HIKESHI: variants seen among roughly 807,000 people sequenced by gnomAD.
HIKESHI encodes protein Hikeshi.
In HIKESHI, 13 loss-of-function variants were observed where a neutral mutation model predicts 25.7. The observed-to-expected ratio is 0.51, with a 90% CI of 0.33 to 0.80. The LOEUF (loss-of-function observed/expected upper bound fraction) is 0.80. HIKESHI is among the 30% of genes least tolerant of loss of function. The pLI, the probability that HIKESHI is intolerant of heterozygous loss-of-function variation, is 0.02. For missense variants in HIKESHI, 174 were observed against 229.5 expected, an observed-to-expected ratio of 0.76 and a Z score of 1.56; for synonymous variants, 76 against 78.7, an observed-to-expected ratio of 0.97 and a Z score of 0.18.
chr11:86,340,366 C>G lies in HIKESHI; in HGVS notation c.420+2836C>G, dbSNP rs190303958. Among the ~76,000 whole-genome samples the G allele has an allele frequency of 2.1e-4, 32 of 152,304 alleles. 1 individual carries two copies. In the East Asian group the frequency reaches 6.2e-3, roughly 29 times the overall value. On this transcript the variant is annotated intron_variant, in intron 3 of 4. Coordinates refer to ENST00000278483, the MANE Select transcript of HIKESHI (RefSeq NM_016401.4). ...TGGTTGAACTAGTTTATACGCCAAC[C>G]AACAGTGTAAAAGCGTTCCTATTTC...
chr11:86,344,396 G>C, intron 3 of HIKESHI: 1 of 430,624 alleles, frequency 2.3e-6, no homozygotes, highest in African/African-American at 2.0e-5. Context: ...TTGAATGCCT[G>C]GCCTCAAGTG....
intron 2 of HIKESHI, among the ~76,000 whole-genome samples, chr11:86,306,700 C>A (rs1946632520): frequency 6.6e-6 from 1 of 151,970 alleles, no homozygotes; most frequent in South Asian, 2.1e-4. Flanking sequence ...GTATAACCTT[C>A]ATAAAAATAT....
intron 3 of HIKESHI, among the ~76,000 whole-genome samples, chr11:86,342,478 CGTGTGTGTGTGTGTGTGT>C (rs34980731): frequency 0.26 from 38,154 of 147,310 alleles, 5,493 homozygotes; most frequent in East Asian, 0.59. Flanking sequence ...TAAAGATGTT[CGTGTGTGTGTGTGTGTGT>C]GTGTGTGTGT....
intron 2 of HIKESHI, among the ~76,000 whole-genome samples, chr11:86,337,079 TC>T (rs1462708802): frequency 6.6e-6 from 1 of 151,868 alleles, no homozygotes; most frequent in Non-Finnish European, 1.5e-5. Flanking sequence ...CTAAAGGGAG[TC>T]TTCTCTATTA....
chr11:86,318,785 G>T (rs1490362574), intron 2 of HIKESHI, among the ~76,000 whole-genome samples: 1 of 152,038 alleles, frequency 6.6e-6, no homozygotes, highest in Non-Finnish European at 1.5e-5. Context: ...AGATGCCCAT[G>T]TACTTCTCCC....
intron 2 of HIKESHI, among the ~76,000 whole-genome samples, chr11:86,316,775 T>C (rs1313846787): frequency 2.5e-4 from 2 of 7,912 alleles, no homozygotes; most frequent in African/African-American, 1.3e-3. Flanking sequence ...AACATTCTTT[T>C]TTTTTTTTTT....
At chr11:86,337,126 G>C (rs1159663485) in intron 2 of HIKESHI, among the ~76,000 whole-genome samples, 7 of 152,146 alleles carry the variant, frequency 4.6e-5, no homozygotes, top group Non-Finnish European at 1.0e-4. Flanking sequence ...TACTGTCTGT[G>C]TCTAGTTGCA....
chr11:86,308,969 T>C (rs540109629), intron 2 of HIKESHI, among the ~76,000 whole-genome samples: 8 of 152,016 alleles, frequency 5.3e-5, no homozygotes, highest in African/African-American at 1.4e-4. Flanking sequence ...CAGTCTATCA[T>C]TGATGGACAT....
At position 86,337,780 on chromosome 11, in the gene HIKESHI, C is replaced by T. The variant is rs982929259; in HGVS notation, c.420+250C>T. The stretch of plus-strand genomic sequence containing the variant: ...TCAAGCGATTCTCCTGCCTCAGTCT[C>T]CTGAGTAGCTGGGACTACAGGCACA... On this transcript the variant is annotated intron_variant, in intron 3 of 4. Transcript: ENST00000278483. Among the ~76,000 whole-genome samples, 12 of 152,296 alleles carry T rather than the reference C, an allele frequency of 7.9e-5. No homozygotes were observed. The East Asian group carries it at 2.1e-3, about 27-fold the overall frequency.
chr11:86,304,513 T>TG (rs1491373296), intron 1 of HIKESHI, among the ~76,000 whole-genome samples: 1 of 92,456 alleles, frequency 1.1e-5, no homozygotes, highest in East Asian at 4.5e-4. Context: ...CACAACTCAC[T>TG]TTTTTTTTTT....
chr11:86,328,238 G>T (rs1256999948), intron 2 of HIKESHI, among the ~76,000 whole-genome samples: 1 of 151,902 alleles, frequency 6.6e-6, no homozygotes, highest in South Asian at 2.1e-4. Context: ...GTAAATTTAA[G>T]GAGAAAACAA....
At chr11:86,302,611 G>A (rs1946526179) in intron 1 of HIKESHI, 133 bp downstream of exon 1, 3 of 988,914 alleles carry the variant, frequency 3.0e-6, no homozygotes, top group Admixed American at 5.2e-5. Context: ...ATGTGAGGAT[G>A]GAGCGTGGGA....
intron 2 of HIKESHI, among the ~76,000 whole-genome samples, chr11:86,318,754 A>G (rs1352121155): frequency 6.6e-6 from 1 of 152,194 alleles, no homozygotes; most frequent in African/African-American, 2.4e-5. Flanking sequence ...TGACCACCTC[A>G]TGGACAATGT....
intron 2 of HIKESHI, among the ~76,000 whole-genome samples, chr11:86,307,163 TATAC>T (rs1446385714): frequency 5.0e-4 from 54 of 108,764 alleles, no homozygotes; most frequent in African/African-American, 1.7e-3. Context: ...TTATGTGTAA[TATAC>T]ATCATATATC....
At chr11:86,341,376 A>AT (rs1947725230) in intron 3 of HIKESHI, among the ~76,000 whole-genome samples, 1 of 151,176 alleles carries the variant, frequency 6.6e-6, no homozygotes, top group Non-Finnish European at 1.5e-5. Flanking sequence ...ATAGATTTCT[A>AT]TGTTTCTACT....
chr11:86,333,901 G>C (rs954220129), intron 2 of HIKESHI, among the ~76,000 whole-genome samples: 1 of 152,180 alleles, frequency 6.6e-6, no homozygotes, highest in East Asian at 1.9e-4. Flanking sequence ...AGCCGTTAAA[G>C]GTTTCAAAAC....
chr11:86,302,350 C>A lies in HIKESHI; in HGVS notation c.-99C>A. On this transcript the variant is annotated 5_prime_UTR_variant, in exon 1 of 5. Transcript: ENST00000278483. ...TAGTGGAGGGGCAGACACCCTCCCG[C>A]AAATTCTGGAAGGTTCTTAGTCTCG... is the stretch of plus-strand genomic sequence containing the variant. The A allele has an allele frequency of 6.8e-7, 1 of 1,474,098 alleles. No individual in the cohort carries two copies. The highest frequency in any genetic ancestry group is 9.2e-7 in the Non-Finnish European group (1 of 1,082,702). The allele number at this position is 1,474,098 out of a possible 1,614,324, so 91.3% of individuals were successfully genotyped here.
At position 86,318,303 on chromosome 11, in the gene HIKESHI, C is replaced by CAAAAAAAAAA. The variant is rs71040230; in HGVS notation, c.268+11832_268+11841dup. On this transcript the variant is annotated intron_variant, in intron 2 of 4. Coordinates refer to ENST00000278483, the MANE Select transcript of HIKESHI (RefSeq NM_016401.4). ...TGGGCGACAGAGCAAGACTCCGTCTCAAAAAAAAAAAAAAAAAAAATCCTG... is the reference window on the plus strand; with the variant it reads ...TGGGCGACAGAGCAAGACTCCGTCTCAAAAAAAAAAAAAAAAAAAAAAAAAAAAAATCCTG... Among the ~76,000 whole-genome samples, 224 of 35,660 alleles carry CAAAAAAAAAA rather than the reference C, an allele frequency of 6.3e-3. 35 individuals carry two copies. The East Asian group carries it at 0.11, about 17-fold the overall frequency. 23.4% of individuals were successfully genotyped at this position (35,660 alleles called of 152,430 possible).
chr11:86,329,718 T>C (rs1947373261), intron 2 of HIKESHI, among the ~76,000 whole-genome samples: 1 of 152,118 alleles, frequency 6.6e-6, no homozygotes, highest in East Asian at 1.9e-4. Context: ...TTTGTATAAA[T>C]TGATGAATTG....
Sources: gnomAD v4.1 joint callset for allele counts (sites outside exome capture counted in the v4.1 genomes callset) on GRCh38, gnomAD v4.1.1 for gene constraint, MANE v1.5 for transcripts, NCBI Gene and HGNC (gene_info 2026-07-23, HGNC 2026-07-21) for gene names.